NDUFAF6: variants seen among roughly 807,000 people sequenced by gnomAD.
The protein encoded by NDUFAF6 is NADH:ubiquinone oxidoreductase complex assembly factor 6.
NDUFAF6 carries 45 observed loss-of-function variants against 40.8 expected under a neutral mutation model. The observed-to-expected ratio is 1.10, with a 90% CI of 0.87 to 1.42. The LOEUF (loss-of-function observed/expected upper bound fraction) is 1.42. NDUFAF6 is among the 40% of genes most tolerant of loss of function. The probability of loss-of-function intolerance (pLI) is 0.00; values close to 1 mark genes in which losing one functional copy is unlikely to be tolerated. For synonymous variants in NDUFAF6, 185 were observed against 155.9 expected, an observed-to-expected ratio of 1.19 and a Z score of -1.39; for missense variants, 435 against 418.5, an observed-to-expected ratio of 1.04 and a Z score of -0.34.
chr8:94,922,273 G>A (rs563467227), intron 1 of NDUFAF6, among the ~76,000 whole-genome samples: 2 of 152,034 alleles, frequency 1.3e-5, no homozygotes, highest in Non-Finnish European at 2.9e-5. Flanking sequence ...GCCTCCCAAA[G>A]TGCTGGAATT....
At chr8:95,065,462 A>G (rs950683501) in intron 9 of NDUFAF6, among the ~76,000 whole-genome samples, 1 of 152,238 alleles carries the variant, frequency 6.6e-6, no homozygotes, top group Admixed American at 6.5e-5. Context: ...CCCCCTTGGC[A>G]TACATATAAG....
chr8:94,965,104 CTG>C lies in NDUFAF6; in HGVS notation c.-199+6928_-199+6929del, dbSNP rs527860486. 5.4e-3 allele frequency among the ~76,000 whole-genome samples: 830 copies of C among 152,312 alleles called. 6 individuals carry two copies. Among genetic ancestry groups the C allele is most frequent in the African/African-American group, 0.019 (789 of 41,564 alleles). On this transcript the variant is annotated intron_variant, in intron 1 of 9. Transcript: ENST00000396111. ...GAAAGGGAAGAGTCTGCAGTCAACT[CTG>C]TGGTCATCCTGCCCAGTCGGCCCTG... is the stretch of plus-strand genomic sequence containing the variant.
At chr8:95,014,918 G>T (rs1827375889) in intron 2 of NDUFAF6, among the ~76,000 whole-genome samples, 1 of 152,156 alleles carries the variant, frequency 6.6e-6, no homozygotes, top group African/African-American at 2.4e-5. Context: ...GAAATATCAG[G>T]CAATGTTCTC....
intron 2 of NDUFAF6, among the ~76,000 whole-genome samples, chr8:94,992,056 T>C (rs1453929515): frequency 6.6e-6 from 1 of 152,232 alleles, no homozygotes; most frequent in African/African-American, 2.4e-5. Flanking sequence ...TGATGGCTTT[T>C]GCCAAATTGC....
rs1218179829 is a variant in NDUFAF6 at position 94,997,961 on chromosome 8, T to G, written c.-84+16988T>G. On this transcript the variant is annotated intron_variant, in intron 2 of 9. Coordinates refer to the NDUFAF6 transcript ENST00000396111. ...TCCGTAAAGATTGAGGTTTTCTTATTTCTTAGAAAATGAAATGCTGTCCAA... is the reference window on the plus strand; with the variant it reads ...TCCGTAAAGATTGAGGTTTTCTTATGTCTTAGAAAATGAAATGCTGTCCAA... Among the ~76,000 whole-genome samples, 3 of 152,190 alleles carry G rather than the reference T, an allele frequency of 2.0e-5. No individual in the cohort carries two copies. The South Asian group carries it at 6.2e-4, about 32-fold the overall frequency.
chr8:94,981,100 T>A, intron 2 of NDUFAF6: 1 of 404,464 alleles, frequency 2.5e-6, no homozygotes, highest in East Asian at 7.1e-5. Flanking sequence ...TGGACTCCAG[T>A]GTGACAGTAT....
intron 1 of NDUFAF6, 108 bp downstream of exon 1, chr8:95,025,313 C>G (rs1472532411): frequency 8.8e-7 from 1 of 1,136,054 alleles, no homozygotes. Context: ...CGGCGCCTTC[C>G]TCGTGCCCCT....
intron 1 of NDUFAF6, among the ~76,000 whole-genome samples, chr8:94,913,888 C>T (rs928391277): frequency 1.7e-4 from 26 of 152,242 alleles, no homozygotes; most frequent in African/African-American, 5.5e-4. Flanking sequence ...GCCTCCTGAG[C>T]TTAAGCGATT....
chr8:95,039,544 C>A (rs899481089), intron 3 of NDUFAF6, among the ~76,000 whole-genome samples: 1 of 151,534 alleles, frequency 6.6e-6, no homozygotes, highest in African/African-American at 2.4e-5. Context: ...TCCCAAAGTG[C>A]TGGTATTACA....
At chr8:95,065,386 A>G (rs1388869278) in intron 9 of NDUFAF6, among the ~76,000 whole-genome samples, 1 of 152,054 alleles carries the variant, frequency 6.6e-6, no homozygotes, top group Non-Finnish European at 1.5e-5. Context: ...GGTGGGGAAA[A>G]ATTTCCACAT....
chr8:95,045,411 A>T, intron 4 of NDUFAF6, 134 bp from the exon 5 acceptor site: 1 of 670,834 alleles, frequency 1.5e-6, no homozygotes, highest in South Asian at 1.7e-5. Context: ...GTAATGTTTT[A>T]TCTTATTGTG....
chr8:94,920,640 A>G (rs1294730901), intron 1 of NDUFAF6, among the ~76,000 whole-genome samples: 2 of 152,190 alleles, frequency 1.3e-5, no homozygotes, highest in African/African-American at 4.8e-5. Context: ...TGGCTGCTGT[A>G]GCCCAGTGTT....
chr8:95,117,438 C>A (rs1810157311), downstream of NDUFAF6, among the ~76,000 whole-genome samples: 1 of 152,162 alleles, frequency 6.6e-6, no homozygotes, highest in South Asian at 2.1e-4. Context: ...ATCCAATAAT[C>A]TTTTTACAAA....
rs1819197080 is a variant in NDUFAF6 at position 94,917,159 on chromosome 8, G to A, written c.-936+21232G>A. On this transcript the variant is annotated intron_variant, in intron 1 of 14. Transcript: ENST00000396113. ...AAAAAAGCCACAAATAATAAACTTG[G>A]AAGACCAATGGTTAAACAGTGTACG... 2.0e-5 allele frequency among the ~76,000 whole-genome samples: 3 copies of A among 151,298 alleles called. No individual in the cohort carries two copies. The South Asian group carries it at 6.3e-4, about 32-fold the overall frequency.
At chr8:94,954,474 C>T (rs190463348), upstream of NDUFAF6, among the ~76,000 whole-genome samples, 375 of 152,138 alleles carry the variant, frequency 2.5e-3, 2 homozygotes, top group African/African-American at 8.6e-3. Flanking sequence ...AGAGGAGATA[C>T]AATAAACAAG....
At chr8:95,060,839 G>A (rs1305157178), downstream of NDUFAF6, among the ~76,000 whole-genome samples, 1 of 152,068 alleles carries the variant, frequency 6.6e-6, no homozygotes, top group Non-Finnish European at 1.5e-5. Flanking sequence ...TACAAATTAG[G>A]TTAAAAAAGG....
chr8:95,030,939 A>C (rs1828754330), intron 1 of NDUFAF6, among the ~76,000 whole-genome samples: 1 of 152,196 alleles, frequency 6.6e-6, no homozygotes, highest in African/African-American at 2.4e-5. Context: ...AGGAAGCAAA[A>C]GAGAGAAGGG....
At chr8:95,057,039 CAT>C (rs1224652069) in intron 8 of NDUFAF6, among the ~76,000 whole-genome samples, 1 of 152,042 alleles carries the variant, frequency 6.6e-6, no homozygotes, top group Non-Finnish European at 1.5e-5. Context: ...AATCTATAGT[CAT>C]AATCCCTGCA....
chr8:94,963,043 G>A (rs1018164578), intron 1 of NDUFAF6, among the ~76,000 whole-genome samples: 53 of 151,828 alleles, frequency 3.5e-4, no homozygotes, highest in African/African-American at 1.2e-3. Context: ...CACCTGCCTC[G>A]GCCTCCCAAA....
Sources: gnomAD v4.1 joint callset for allele counts (sites outside exome capture counted in the v4.1 genomes callset) on GRCh38, gnomAD v4.1.1 for gene constraint, MANE v1.5 for transcripts, NCBI Gene and HGNC (gene_info 2026-07-23, HGNC 2026-07-21) for gene names.